RUFY4: variants seen among roughly 807,000 people sequenced by gnomAD.
RUFY4 encodes RUN and FYVE domain containing 4.
A neutral mutation model predicts 69.0 loss-of-function variants in RUFY4; 73 were observed. That is an observed-to-expected ratio of 1.06 (90% CI 0.88 to 1.29). RUFY4 has a LOEUF of 1.29. Ranked by LOEUF, RUFY4 falls within the 50% of genes most tolerant of loss-of-function variation. The probability of loss-of-function intolerance (pLI) is 0.00; values close to 1 mark genes in which losing one functional copy is unlikely to be tolerated. For synonymous variants in RUFY4, 287 were observed against 271.8 expected, an observed-to-expected ratio of 1.06 and a Z score of -0.55; for missense variants, 770 against 705.6, an observed-to-expected ratio of 1.09 and a Z score of -1.03.
chr2:218,045,909 A>G (rs1239736161), intron 2 of RUFY4, among the ~76,000 whole-genome samples: 1 of 151,556 alleles, frequency 6.6e-6, no homozygotes, highest in Non-Finnish European at 1.5e-5. Context: ...GGTTCGCGCC[A>G]TTCTCCTGCC....
intron 2 of RUFY4, among the ~76,000 whole-genome samples, chr2:218,051,336 CAT>C (rs754551667): frequency 2.6e-5 from 4 of 151,894 alleles, no homozygotes; most frequent in Non-Finnish European, 5.9e-5. Context: ...TACTATAAAA[CAT>C]ATATTCAGGG....
At chr2:218,073,637 T>C (rs774120937) in intron 5 of RUFY4, among the ~76,000 whole-genome samples, 179 bp from the exon 8 acceptor site, 11 of 151,850 alleles carry the variant, frequency 7.2e-5, no homozygotes, top group Admixed American at 3.3e-4. Flanking sequence ...AATGGATAGC[T>C]GGATGCTAGG....
At chr2:218,074,690 T>A (rs1487196688) in intron 6 of RUFY4, among the ~76,000 whole-genome samples, 1 of 152,118 alleles carries the variant, frequency 6.6e-6, no homozygotes, top group African/African-American at 2.4e-5. Flanking sequence ...CGAGATTTCA[T>A]CACAACCCTA....
intron 8 of RUFY4, 107 bp downstream of exon 10, chr2:218,076,640 G>T: frequency 6.7e-7 from 1 of 1,482,192 alleles, no homozygotes. Context: ...CATGCACCAG[G>T]CCCTGGACTG....
chr2:218,055,714 T>C (rs1179303457), intron 2 of RUFY4, among the ~76,000 whole-genome samples: 4 of 152,082 alleles, frequency 2.6e-5, no homozygotes, highest in African/African-American at 9.7e-5. Context: ...CAACTTAATA[T>C]ACATTTCAAG....
At chr2:218,040,643 A>G (rs955261194) in intron 2 of RUFY4, among the ~76,000 whole-genome samples, 2 of 151,860 alleles carry the variant, frequency 1.3e-5, no homozygotes, top group Non-Finnish European at 2.9e-5. Flanking sequence ...CTCTTTTTAT[A>G]CCTTGCCCTT....
At chr2:218,038,382 C>T (rs1410864889) in intron 2 of RUFY4, among the ~76,000 whole-genome samples, 1 of 152,170 alleles carries the variant, frequency 6.6e-6, no homozygotes, top group Non-Finnish European at 1.5e-5. Flanking sequence ...GAGACATAGA[C>T]AGAGCTGAGT....
intron 2 of RUFY4, among the ~76,000 whole-genome samples, chr2:218,037,744 A>G: frequency 6.6e-6 from 1 of 152,246 alleles, no homozygotes. Flanking sequence ...TACTGTCAAT[A>G]TATCCTGTTA....
intron 3 of RUFY4, among the ~76,000 whole-genome samples, chr2:218,062,477 C>T (rs191882251): frequency 7.9e-5 from 12 of 151,198 alleles, no homozygotes; most frequent in Non-Finnish European, 1.6e-4. Context: ...CTCTGGGAGA[C>T]AGAGGCAGGC....
At chr2:218,075,582 G>A in exon 7 of RUFY4, 1 of 1,524,930 alleles carries the variant, frequency 6.6e-7, no homozygotes, top group East Asian at 2.3e-5. Flanking sequence ...GAGCAGGCAG[G>A]GGTCGGGGGG....
intron 2 of RUFY4, among the ~76,000 whole-genome samples, chr2:218,071,314 G>A (rs4074802): frequency 0.57 from 86,083 of 151,804 alleles, 26,763 homozygotes; most frequent in African/African-American, 0.82. Flanking sequence ...ACATCTTCCT[G>A]CTTCTCTGAC....
intron 2 of RUFY4, among the ~76,000 whole-genome samples, chr2:218,051,215 T>G (rs1688935535): frequency 6.6e-6 from 1 of 152,198 alleles, no homozygotes; most frequent in South Asian, 2.1e-4. Flanking sequence ...AGCTTTAAGC[T>G]TATTTATTTT....
At chr2:218,070,481 A>C, upstream of RUFY4, 1 of 811,232 alleles carries the variant, frequency 1.2e-6, no homozygotes, top group South Asian at 1.5e-5. Context: ...ACCCAAGATT[A>C]GTCACTTTCC....
At chr2:218,077,683 G>A (rs1689668085) in intron 8 of RUFY4, among the ~76,000 whole-genome samples, 1 of 152,294 alleles carries the variant, frequency 6.6e-6, no homozygotes, top group South Asian at 2.1e-4. Context: ...GACCCCAGCA[G>A]AGCCTGAGTA....
chr2:218,089,713 A>C (rs148127292), intron 10 of RUFY4: 1,041 of 703,650 alleles, frequency 1.5e-3, no homozygotes, highest in Non-Finnish European at 2.1e-3. Context: ...GGGAGAGAGG[A>C]AAGTGAGCCA....
intron 2 of RUFY4, among the ~76,000 whole-genome samples, chr2:218,052,732 C>CTT (rs879671923): frequency 7.4e-6 from 1 of 134,694 alleles, no homozygotes; most frequent in Admixed American, 7.2e-5. Context: ...CTCTATCTCA[C>CTT]TTTTTTTTTT....
At chr2:218,049,417 C>T (rs989610690) in intron 2 of RUFY4, among the ~76,000 whole-genome samples, 5 of 152,150 alleles carry the variant, frequency 3.3e-5, no homozygotes, top group Non-Finnish European at 5.9e-5. Flanking sequence ...TCTCACTCTC[C>T]TGGCCAGTAG....
chr2:218,057,352 T>A (rs1476924945), intron 2 of RUFY4, among the ~76,000 whole-genome samples: 3 of 152,242 alleles, frequency 2.0e-5, no homozygotes, highest in Non-Finnish European at 2.9e-5. Flanking sequence ...CTTTGATACT[T>A]CCTAGACATT....
At chr2:218,042,481 T>C (rs1450234635) in intron 2 of RUFY4, among the ~76,000 whole-genome samples, 1 of 152,244 alleles carries the variant, frequency 6.6e-6, no homozygotes, top group African/African-American at 2.4e-5. Context: ...CTTAGTTTTT[T>C]AGTCCAGAGG....
Sources: gnomAD v4.1 joint callset for allele counts (sites outside exome capture counted in the v4.1 genomes callset) on GRCh38, gnomAD v4.1.1 for gene constraint, MANE v1.5 for transcripts, NCBI Gene and HGNC (gene_info 2026-07-23, HGNC 2026-07-21) for gene names.